FHOD3: variants seen among roughly 807,000 people sequenced by gnomAD.
FHOD3 encodes formin homology 2 domain containing 3, also known as FH1/FH2 domain-containing protein 3.
In FHOD3, 90 loss-of-function variants were observed where a neutral mutation model predicts 173.0. The ratio of observed to expected loss-of-function variants is 0.52; its 90% CI spans 0.44 to 0.62. FHOD3 has a LOEUF of 0.62. Ranked by LOEUF, FHOD3 falls within the 20% of genes least tolerant of loss-of-function variation. The pLI is 0.00. For missense variants in FHOD3, 1,945 were observed against 2,034.7 expected (o/e 0.96, Z 0.85); for synonymous variants, 828 against 823.0 (o/e 1.01, Z -0.10).
At chr18:36,347,432 C>G (rs1217299244) in intron 1 of FHOD3, among the ~76,000 whole-genome samples, 2 of 152,134 alleles carry the variant, frequency 1.3e-5, no homozygotes, top group Non-Finnish European at 1.5e-5. Context: ...GGTTGGTGAG[C>G]TGGACTCTTT....
chr18:36,643,160 C>T (rs2035453932), intron 10 of FHOD3, among the ~76,000 whole-genome samples: 1 of 151,982 alleles, frequency 6.6e-6, no homozygotes, highest in South Asian at 2.1e-4. Flanking sequence ...TGGGTCATTT[C>T]CAGCTTTTGA....
chr18:36,575,410 T>A (rs1490998009), intron 5 of FHOD3, among the ~76,000 whole-genome samples: 1 of 152,250 alleles, frequency 6.6e-6, no homozygotes, highest in Non-Finnish European at 1.5e-5. Context: ...GTAGAATGTT[T>A]CCTACAACCC....
chr18:36,452,083 C>T (rs778178030), intron 3 of FHOD3, among the ~76,000 whole-genome samples: 7 of 152,160 alleles, frequency 4.6e-5, no homozygotes, highest in South Asian at 2.1e-4. Context: ...ACCCAGTGAC[C>T]GGCCACGTCA....
chr18:36,637,557 C>G (rs905335653), intron 10 of FHOD3, among the ~76,000 whole-genome samples: 1 of 152,168 alleles, frequency 6.6e-6, no homozygotes, highest in African/African-American at 2.4e-5. Context: ...TACTAGGCCC[C>G]AACTCCTATT....
At chr18:36,490,794 T>C (rs1471012048) in intron 3 of FHOD3, among the ~76,000 whole-genome samples, 1 of 152,172 alleles carries the variant, frequency 6.6e-6, no homozygotes, top group Non-Finnish European at 1.5e-5. Flanking sequence ...TGGTCAGTGA[T>C]TGTTTGAAAG....
At chr18:36,503,907 C>T (rs1395519404) in intron 4 of FHOD3, among the ~76,000 whole-genome samples, 2 of 152,142 alleles carry the variant, frequency 1.3e-5, no homozygotes, top group South Asian at 2.1e-4. Flanking sequence ...TTCTGTTCTA[C>T]ACCTTTGCCC....
In FHOD3 at chr18:36,482,450, A is replaced by ACC. The variant is rs142805193; in HGVS notation, c.338-19476_338-19475dup. On this transcript the variant is annotated intron_variant, in intron 3 of 28. Coordinates refer to ENST00000590592, the MANE Select transcript of FHOD3 (RefSeq NM_001281740.3). Reference sequence around the variant, plus strand: ...GGAGAAGCAGGGTGACCACTGCGTGACCCCCCCGCCCCGCAAGGCATGATT... The same window carrying ACC: ...GGAGAAGCAGGGTGACCACTGCGTGACCCCCCCCCGCCCCGCAAGGCATGATT... Among the ~76,000 whole-genome samples, 360 of 151,730 alleles carry ACC rather than the reference A, an allele frequency of 2.4e-3. 1 individual carries two copies. The highest frequency in any genetic ancestry group is 6.8e-3 in the Middle Eastern group (2 of 294).
chr18:36,555,921 A>AT lies in FHOD3; in HGVS notation c.512-20523dup, dbSNP rs967633847. 3.5e-4 allele frequency among the ~76,000 whole-genome samples: 53 copies of AT among 152,054 alleles called. No homozygotes were observed. In the East Asian group the frequency reaches 8.5e-3, roughly 24 times the overall value. ...TTTTTCATCCTTTTAATTTTAGCTG[A>AT]TTTTTTTCTCTTTATATGAAAAGAT... On this transcript the variant is annotated intron_variant, in intron 5 of 28. Coordinates refer to ENST00000590592, the MANE Select transcript of FHOD3 (RefSeq NM_001281740.3).
At position 36,740,644 on chromosome 18, in the gene FHOD3, T is replaced by C; in HGVS notation, c.3577-12T>C. ...CTAAGAGAAAATATACTATATCATC[T>C]CCTATTTCCAGAAAATTCTAACGAT... On this transcript the variant is annotated splice_polypyrimidine_tract_variant and intron_variant, in intron 20 of 28. Transcript: ENST00000590592. 6.2e-7 allele frequency: 1 copy of C among 1,608,162 alleles called. No homozygotes were observed. Among genetic ancestry groups the C allele is most frequent in the Non-Finnish European group, 8.5e-7 (1 of 1,176,742 alleles).
rs911334104 is a variant in FHOD3, at chr18:36,384,340, A to G, written c.337+11596A>G. Among the ~76,000 whole-genome samples, 5 of 152,184 alleles carry G rather than the reference A, an allele frequency of 3.3e-5. No homozygotes were observed. The South Asian group carries it at 6.2e-4, about 19-fold the overall frequency. On this transcript the variant is annotated intron_variant, in intron 3 of 28. Transcript: ENST00000590592. ...GATTCCAGTGAGCTGAGATCGCACT[A>G]CTAAACTCCAGCCTGGGCGACAGAG...
intron 1 of FHOD3, among the ~76,000 whole-genome samples, chr18:36,351,042 G>T (rs963293855): frequency 2.0e-5 from 3 of 152,074 alleles, no homozygotes; most frequent in African/African-American, 7.2e-5. Flanking sequence ...CTGTGTCTCG[G>T]GTGTAATGAT....
At chr18:36,628,443 AC>A (rs752347107) in intron 10 of FHOD3, among the ~76,000 whole-genome samples, 23 of 152,350 alleles carry the variant, frequency 1.5e-4, no homozygotes, top group Non-Finnish European at 2.2e-4. Context: ...TGAGGTAAAT[AC>A]AAAAATTCAA....
At chr18:36,751,147 G>C (rs1387330347) in intron 24 of FHOD3, among the ~76,000 whole-genome samples, 2 of 152,170 alleles carry the variant, frequency 1.3e-5, no homozygotes, top group African/African-American at 2.4e-5. Flanking sequence ...TGTCATCTCT[G>C]ATTTCTTTGA....
chr18:36,768,805 A>C (rs2043248864), intron 27 of FHOD3, among the ~76,000 whole-genome samples: 1 of 152,200 alleles, frequency 6.6e-6, no homozygotes, highest in Admixed American at 6.5e-5. Flanking sequence ...AGGCACATAC[A>C]ACCACTGATA....
rs549981853 is a variant in FHOD3 at position 36,652,083 on chromosome 18, TG to T, written c.1287-485del. On this transcript the variant is annotated intron_variant, in intron 11 of 28. Coordinates refer to ENST00000590592, the MANE Select transcript of FHOD3 (RefSeq NM_001281740.3). Reference sequence around the variant, plus strand: ...CCATACCTGCTGTCACAAAAGGTTCTGGAAGCAGTCACTAAAGTGTATGGCT... The same window carrying T: ...CCATACCTGCTGTCACAAAAGGTTCTGAAGCAGTCACTAAAGTGTATGGCT... Among the ~76,000 whole-genome samples, 838 of 152,382 alleles carry T rather than the reference TG, an allele frequency of 5.5e-3. 9 individuals carry two copies. Among genetic ancestry groups the T allele is most frequent in the African/African-American group, 0.019 (792 of 41,596 alleles).
rs757908101 is a variant in FHOD3 at position 36,718,494 on chromosome 18, G to T, written c.3196G>T (p.Gly1066Cys). ...TCCTCCAGTGTTCAACGCTCCTCAG[G>T]GCTTAGGGTGGTCCCAGGTACCCAG... ...PPPPVFNAPQ[G>C]LGWSQVPRGQ... The change falls in exon 19 of 29, where the codon GGC becomes TGC. Residue 1066 changes from glycine (G) to cysteine (C), a missense_variant. By Grantham distance (159) the Gly-to-Cys change is radical. This residue lies in a region of FHOD3 where 1,099 missense variants were observed against 1,051.2 expected (regional missense o/e 1.05). Coordinates refer to ENST00000590592, the MANE Select transcript of FHOD3 (RefSeq NM_001281740.3). 6.2e-7 allele frequency: 1 copy of T among 1,613,796 alleles called. No homozygotes were observed. Among genetic ancestry groups the T allele is most frequent in the South Asian group, 1.1e-5 (1 of 91,056 alleles).
chr18:36,580,566 A>C (rs1450552534), intron 6 of FHOD3, among the ~76,000 whole-genome samples: 1 of 152,222 alleles, frequency 6.6e-6, no homozygotes, highest in African/African-American at 2.4e-5. Flanking sequence ...GAGTTGCTGA[A>C]AGTTAACAAA....
intron 3 of FHOD3, among the ~76,000 whole-genome samples, chr18:36,373,961 C>T (rs1357216222): frequency 1.3e-5 from 2 of 152,170 alleles, no homozygotes; most frequent in African/African-American, 4.8e-5. Context: ...TAGAACAAAT[C>T]CAGGCACGTA....
intron 3 of FHOD3, among the ~76,000 whole-genome samples, chr18:36,401,768 G>A (rs184896933): frequency 7.9e-5 from 12 of 152,280 alleles, no homozygotes; most frequent in African/African-American, 2.6e-4. Context: ...TGCTTAACCT[G>A]GCCCCTCATG....
Sources: allele counts gnomAD v4.1 joint callset (sites outside exome capture counted in the v4.1 genomes callset), GRCh38; gene constraint gnomAD v4.1.1; regional missense constraint gnomAD v4.1.1; transcripts MANE v1.5; gene names NCBI Gene and HGNC (gene_info 2026-07-23, HGNC 2026-07-21).